The following DPP6 variants were observed in gnomAD, a reference collection of about 807,000 sequenced individuals.
DPP6 encodes the protein dipeptidyl peptidase like 6.
Under a neutral mutation model 122.6 loss-of-function variants are expected in DPP6, and 69 were observed. The ratio of observed to expected loss-of-function variants is 0.56; its 90% CI spans 0.46 to 0.69. The LOEUF is 0.69. DPP6 is among the 30% of genes least tolerant of loss of function. The probability of loss-of-function intolerance (pLI) is 0.00; values close to 1 mark genes in which losing one functional copy is unlikely to be tolerated. For synonymous variants in DPP6, 418 were observed against 433.1 expected, an observed-to-expected ratio of 0.97 and a Z score of 0.43; for missense variants, 928 against 1,116.9, an observed-to-expected ratio of 0.83 and a Z score of 2.41.
At chr7:154,310,014 T>G (rs1372338672) in intron 1 of DPP6, among the ~76,000 whole-genome samples, 1 of 152,224 alleles carries the variant, frequency 6.6e-6, no homozygotes, top group Non-Finnish European at 1.5e-5. Flanking sequence ...GAAGTACATC[T>G]GGGACTCATG....
At chr7:154,761,223 C>T (rs1347921015) in intron 8 of DPP6, among the ~76,000 whole-genome samples, 1 of 152,236 alleles carries the variant, frequency 6.6e-6, no homozygotes, top group Non-Finnish European at 1.5e-5. Flanking sequence ...ATAGCTCTTT[C>T]CTCCTCTGCT....
chr7:154,824,894 T>A (rs1563252494), intron 16 of DPP6, among the ~76,000 whole-genome samples: 1 of 152,148 alleles, frequency 6.6e-6, no homozygotes, highest in African/African-American at 2.4e-5. Flanking sequence ...GAACCCCCGG[T>A]CTCTGACAGG....
chr7:154,778,035 C>T (rs954655513), intron 10 of DPP6, among the ~76,000 whole-genome samples: 2 of 152,214 alleles, frequency 1.3e-5, no homozygotes, highest in African/African-American at 2.4e-5. Context: ...ACTTTAGTCC[C>T]TACTCCCATG....
chr7:153,989,167 G>A (rs1459074689), intron 1 of DPP6, among the ~76,000 whole-genome samples: 1 of 147,044 alleles, frequency 6.8e-6, no homozygotes, highest in African/African-American at 2.5e-5. Context: ...GTGGGTGAGC[G>A]TGTGCGGGAG....
chr7:154,681,052 G>A (rs201947194), intron 7 of DPP6, among the ~76,000 whole-genome samples: 1 of 152,078 alleles, frequency 6.6e-6, no homozygotes, highest in East Asian at 1.9e-4. Context: ...GAGGACTATA[G>A]TCAATAATAA....
chr7:154,003,449 G>C (rs1797773903), intron 1 of DPP6, among the ~76,000 whole-genome samples: 1 of 152,220 alleles, frequency 6.6e-6, no homozygotes, highest in African/African-American at 2.4e-5. Context: ...TTTGATAAAA[G>C]CTGAGCGTGT....
At chr7:154,720,014 C>T (rs1457637393) in intron 7 of DPP6, among the ~76,000 whole-genome samples, 2 of 152,168 alleles carry the variant, frequency 1.3e-5, no homozygotes, top group South Asian at 2.1e-4. Context: ...CAGAACCTCT[C>T]GGCCTGTAGG....
At chr7:154,820,586 A>C (rs779077306) in intron 16 of DPP6, among the ~76,000 whole-genome samples, 24 of 152,198 alleles carry the variant, frequency 1.6e-4, no homozygotes, top group Non-Finnish European at 2.9e-4. Flanking sequence ...CAAAATTATG[A>C]ACAGAACAAC....
intron 5 of DPP6, among the ~76,000 whole-genome samples, chr7:154,574,976 T>G (rs1831444559): frequency 7.1e-6 from 1 of 141,260 alleles, no homozygotes; most frequent in African/African-American, 2.7e-5. Context: ...TGGTGTGTGG[T>G]GTGCTGTGTG....
At chr7:154,733,331 T>C (rs1260747226) in intron 8 of DPP6, among the ~76,000 whole-genome samples, 1 of 152,264 alleles carries the variant, frequency 6.6e-6, no homozygotes, top group African/African-American at 2.4e-5. Context: ...TTTCCTAAGC[T>C]AGGGCCCTCA....
chr7:153,773,870 AAAAAG>A, the DPP6 span, among the ~76,000 whole-genome samples: 1 of 151,412 alleles, frequency 6.6e-6, no homozygotes, highest in African/African-American at 2.4e-5. Flanking sequence ...GACAAAAAAA[AAAAAG>A]AAAATAAAAA....
intron 1 of DPP6, among the ~76,000 whole-genome samples, chr7:154,372,890 C>T (rs962766263): frequency 1.1e-4 from 16 of 152,170 alleles, no homozygotes; most frequent in African/African-American, 3.9e-4. Flanking sequence ...AGCTTCCCCA[C>T]CACCCAGGCT....
chr7:154,209,938 G>T (rs1200310716), intron 1 of DPP6, among the ~76,000 whole-genome samples: 1 of 152,206 alleles, frequency 6.6e-6, no homozygotes, highest in Admixed American at 6.5e-5. Context: ...CAGTGTTCAT[G>T]TGTCCAAGGC....
rs541878016 is a variant in DPP6, at chr7:154,778,713, C to G, written c.1136+5771C>G. 2.8e-3 allele frequency among the ~76,000 whole-genome samples: 425 copies of G among 149,124 alleles called. 9 individuals carry two copies. Among genetic ancestry groups the G allele is most frequent in the African/African-American group, 0.01 (414 of 39,894 alleles). ...AGCTCCACCACCATCACCACCACCA[C>G]CTCTGTCACCTCCACAACCTCTACA... On this transcript the variant is annotated intron_variant, in intron 10 of 25. Coordinates refer to ENST00000377770, the MANE Select transcript of DPP6 (RefSeq NM_130797.4).
At chr7:153,921,083 C>A (rs1234836884) in intron 1 of DPP6, among the ~76,000 whole-genome samples, 1 of 152,250 alleles carries the variant, frequency 6.6e-6, no homozygotes, top group Non-Finnish European at 1.5e-5. Context: ...CTTTCCCTGG[C>A]CAATGATATG....
At position 154,727,066 on chromosome 7, in the gene DPP6, T is replaced by A. The variant is rs191074867; in HGVS notation, c.763-701T>A. Among the ~76,000 whole-genome samples the A allele has an allele frequency of 3.3e-5, 5 of 152,350 alleles. No homozygotes were observed. In the East Asian group the frequency reaches 9.6e-4, roughly 29 times the overall value. ...CAAGTTCCAGAGTCACTTCCACATT[T>A]TCAGGTATCTTTGTAAGAATGGCCC... On this transcript the variant is annotated intron_variant, in intron 7 of 25. Transcript: ENST00000377770.
intron 3 of DPP6, among the ~76,000 whole-genome samples, chr7:154,509,091 G>A (rs2129757946): frequency 2.0e-5 from 3 of 152,090 alleles, no homozygotes; most frequent in Admixed American, 2.0e-4. Flanking sequence ...CTTAGATATA[G>A]TACAAAAAGC....
intron 1 of DPP6, among the ~76,000 whole-genome samples, chr7:154,216,870 A>G (rs886744995): frequency 7.0e-6 from 1 of 142,838 alleles, no homozygotes; most frequent in African/African-American, 2.7e-5. Context: ...AACCTCATAT[A>G]TATGTTAAAG....
intron 1 of DPP6, among the ~76,000 whole-genome samples, chr7:153,927,078 G>A (rs980668860): frequency 6.6e-6 from 1 of 151,734 alleles, no homozygotes; most frequent in Non-Finnish European, 1.5e-5. Context: ...TTTGGAAGAC[G>A]AAGGCAGGAG....
Sources: allele counts gnomAD v4.1 joint callset (sites outside exome capture counted in the v4.1 genomes callset), GRCh38; gene constraint gnomAD v4.1.1; transcripts MANE v1.5; gene names NCBI Gene and HGNC (gene_info 2026-07-23, HGNC 2026-07-21).